The following GRM4 variants were observed in gnomAD, a reference collection of about 807,000 sequenced individuals.
The protein encoded by GRM4 is metabotropic glutamate receptor 4.
GRM4 carries 28 observed loss-of-function variants against 81.7 expected under a neutral mutation model. The observed-to-expected ratio is 0.34, with a 90% CI of 0.25 to 0.47. The LOEUF (loss-of-function observed/expected upper bound fraction) is 0.47. GRM4 is among the 20% of genes least tolerant of loss of function. The probability of loss-of-function intolerance (pLI) is 1.00; values close to 1 mark genes in which losing one functional copy is unlikely to be tolerated. For missense variants in GRM4, 948 were observed against 1,290.0 expected, an observed-to-expected ratio of 0.73 and a Z score of 4.06; for synonymous variants, 488 against 528.8, an observed-to-expected ratio of 0.92 and a Z score of 1.06.
intron 3 of GRM4, among the ~76,000 whole-genome samples, chr6:34,081,707 G>C (rs1475528985): frequency 1.3e-5 from 2 of 152,186 alleles, no homozygotes; most frequent in Non-Finnish European, 2.9e-5. Context: ...GGCCCATGTA[G>C]GCCTGAGGTG....
At chr6:34,085,310 G>A (rs1366285529) in intron 3 of GRM4, among the ~76,000 whole-genome samples, 1 of 152,180 alleles carries the variant, frequency 6.6e-6, no homozygotes, top group Non-Finnish European at 1.5e-5. Context: ...AGCACCCAAG[G>A]CCAGCAGTGA....
At chr6:34,137,559 G>T (rs1449008829) in intron 1 of GRM4, among the ~76,000 whole-genome samples, 1 of 150,932 alleles carries the variant, frequency 6.6e-6, no homozygotes, top group Non-Finnish European at 1.5e-5. Flanking sequence ...CCAGGAACCT[G>T]CCTTGTGGCC....
Position 34,133,718 on chromosome 6 carries a change from C to T in GRM4, c.-222G>A, listed in dbSNP as rs1010248360. ...AGGCCCACAGACAGCAGGCAGTGGC[C>T]GGGGTTGCAGGAAGGCTCTGATCCT... On this transcript the variant is annotated 5_prime_UTR_variant, in exon 2 of 11. Transcript: ENST00000538487. This position sits in a 1 kb window ranked among gnomAD's most constrained non-coding sequence, Gnocchi z 6.5. 4 of 1,299,986 alleles carry T rather than the reference C, an allele frequency of 3.1e-6. No individual in the cohort carries two copies. The highest frequency in any genetic ancestry group is 3.9e-6 in the Non-Finnish European group (4 of 1,028,910). The allele number at this position is 1,299,986 out of a possible 1,614,324, so 80.5% of individuals were successfully genotyped here.
chr6:34,142,180 G>GC (rs943662929), intron 1 of GRM4, among the ~76,000 whole-genome samples: 63 of 152,306 alleles, frequency 4.1e-4, no homozygotes, highest in African/African-American at 1.4e-3. Flanking sequence ...AGCCCCTTAG[G>GC]CCCGCCAAGA....
At chr6:34,066,034 G>A (rs12215053) in intron 3 of GRM4, among the ~76,000 whole-genome samples, 49,868 of 151,794 alleles carry the variant, frequency 0.33, 9,172 homozygotes, top group Non-Finnish European at 0.42. Context: ...CATCAAAACC[G>A]ACTTATGCTT....
chr6:34,071,102 C>T (rs146920471), intron 3 of GRM4, among the ~76,000 whole-genome samples: 1 of 152,052 alleles, frequency 6.6e-6, no homozygotes, highest in Non-Finnish European at 1.5e-5. Context: ...TCCACATACA[C>T]ACCCACAAAC....
rs564232055 is a variant in GRM4 at position 34,153,387 on chromosome 6, C to G, written c.312+1692G>C. Among the ~76,000 whole-genome samples, 3 of 152,362 alleles carry G rather than the reference C, an allele frequency of 2.0e-5. No homozygotes were observed. In the South Asian group the frequency reaches 6.2e-4, roughly 32 times the overall value. ...CTCCAAGCCTCCATCCCCCACACTC[C>G]GGGCATCTCCATCCTCAGGACTGCT... On this transcript the variant is annotated intron_variant, in intron 1 of 8. Coordinates refer to the GRM4 transcript ENST00000374177.
chr6:34,028,010 G>C, intron 10 of GRM4, 110 bp downstream of exon 10: 1 of 1,252,106 alleles, frequency 8.0e-7, no homozygotes, highest in Non-Finnish European at 1.1e-6. Context: ...GCCTCCCCAG[G>C]ATGGGGCATC....
chr6:34,145,607 C>G (rs1323868505), intron 1 of GRM4, among the ~76,000 whole-genome samples: 1 of 152,122 alleles, frequency 6.6e-6, no homozygotes, highest in Admixed American at 6.5e-5. Context: ...AGAGAGGGAG[C>G]GAGAGACGAG....
chr6:34,050,660 C>T (rs1408723331), intron 6 of GRM4, among the ~76,000 whole-genome samples: 2 of 152,238 alleles, frequency 1.3e-5, no homozygotes, highest in Non-Finnish European at 2.9e-5. Context: ...CTAGCACACA[C>T]CTTCTCACTG....
In GRM4 at chr6:34,111,017, CAAGG is replaced by C; in HGVS notation, c.520-18922_520-18919del. 1 of 317,378 alleles carries C rather than the reference CAAGG, an allele frequency of 3.2e-6. No individual in the cohort carries two copies. The highest frequency in any genetic ancestry group is 5.5e-6 in the Non-Finnish European group (1 of 183,290). 19.7% of individuals were successfully genotyped at this position (317,378 alleles called of 1,614,324 possible). ...CTCCCCATGGGCACCCTCAGGCTGCCAAGGCTTGGGGGCAGCTCCAGACAATCCG... is the reference window on the plus strand; with the variant it reads ...CTCCCCATGGGCACCCTCAGGCTGCCCTTGGGGGCAGCTCCAGACAATCCG... On this transcript the variant is annotated intron_variant, in intron 2 of 10. Transcript: ENST00000538487. This position sits in a 1 kb window ranked among gnomAD's most constrained non-coding sequence, Gnocchi z 5.1.
At chr6:34,122,536 C>T (rs2127504717) in intron 2 of GRM4, among the ~76,000 whole-genome samples, 1 of 151,248 alleles carries the variant, frequency 6.6e-6, no homozygotes, top group African/African-American at 2.4e-5. Context: ...CTTTCATTTC[C>T]AACATGTCTG....
chr6:34,036,474 T>C lies in GRM4; in HGVS notation c.1636A>G (p.Thr546Ala). 2.5e-6 allele frequency: 4 copies of C among 1,613,494 alleles called. No individual in the cohort carries two copies. Among genetic ancestry groups the C allele is most frequent in the Non-Finnish European group, 3.4e-6 (4 of 1,179,838 alleles). Residue 546 changes from threonine (T) to alanine (A), a missense_variant, in exon 9 of 11, where the codon ACA becomes GCA. By Grantham distance (58) the Thr-to-Ala change is moderately conservative. Coordinates refer to ENST00000538487, the MANE Select transcript of GRM4 (RefSeq NM_000841.4). The surrounding 1 kb of genome is among the most constrained non-coding windows in gnomAD (Gnocchi z 9.0). ...MPCCWHCEPC[T>A]GYQYQVDRYT... ...CGGTCCACCTGGTACTGGTACCCTGTGCAAGGCTCGCAGTGCCAGCAGCAA... is the reference window on the plus strand; with the variant it reads ...CGGTCCACCTGGTACTGGTACCCTGCGCAAGGCTCGCAGTGCCAGCAGCAA...
intron 2 of GRM4, among the ~76,000 whole-genome samples, chr6:34,131,625 C>A (rs1324766798): frequency 6.6e-6 from 1 of 152,172 alleles, no homozygotes; most frequent in Non-Finnish European, 1.5e-5. Flanking sequence ...TCACCCCCAC[C>A]CCAACACTGG....
rs1768101901 is a variant in GRM4 at position 34,089,736 on chromosome 6, T to A, written c.736+2147A>T. Among the ~76,000 whole-genome samples, 1 of 152,060 alleles carries A rather than the reference T, an allele frequency of 6.6e-6. No individual in the cohort carries two copies. Among genetic ancestry groups the A allele is most frequent in the African/African-American group, 2.4e-5 (1 of 41,366 alleles). ...TTATTTTTTCTAACCGCCCAATACT[T>A]GATTAGATGTTGATAAAAAAAAAAT... On this transcript the variant is annotated intron_variant, in intron 3 of 10. Transcript: ENST00000538487. This position sits in a 1 kb window ranked among gnomAD's most constrained non-coding sequence, Gnocchi z 4.3.
At position 34,035,068 on chromosome 6, in the gene GRM4, G is replaced by C. The variant is rs1191285320; in HGVS notation, c.2442+600C>G. Among the ~76,000 whole-genome samples the C allele has an allele frequency of 6.6e-6, 1 of 152,192 alleles. No homozygotes were observed. Reference sequence around the variant, plus strand: ...AGCTTGGGGCTGGGGAGAGAAGGGGGGTCCCATGGGGATCTTGTGAGGGGT... The same window carrying C: ...AGCTTGGGGCTGGGGAGAGAAGGGGCGTCCCATGGGGATCTTGTGAGGGGT... On this transcript the variant is annotated intron_variant, in intron 9 of 10. Coordinates refer to ENST00000538487, the MANE Select transcript of GRM4 (RefSeq NM_000841.4). The surrounding 1 kb of genome is among the most constrained non-coding windows in gnomAD (Gnocchi z 6.6).
chr6:34,155,600 T>A, exon 1 of GRM4: 1 of 462,146 alleles, frequency 2.2e-6, no homozygotes. Flanking sequence ...GCTCAAGCGA[T>A]CCTCCAGCAA....
intron 3 of GRM4, chr6:34,062,271 T>A: frequency 2.3e-6 from 1 of 439,938 alleles, no homozygotes; most frequent in Non-Finnish European, 4.1e-6. Flanking sequence ...TGAGCCTCAG[T>A]TTCCCCATAT....
chr6:34,098,697 A>G (rs1768669163), intron 2 of GRM4, among the ~76,000 whole-genome samples: 1 of 152,244 alleles, frequency 6.6e-6, no homozygotes, highest in Non-Finnish European at 1.5e-5. Context: ...TCACAGATAA[A>G]AGCCAGTGAT....
Sources: gnomAD v4.1 joint callset for allele counts (sites outside exome capture counted in the v4.1 genomes callset) on GRCh38, gnomAD v4.1.1 for gene constraint, Gnocchi (gnomAD v3.1) non-coding constraint, MANE v1.5 for transcripts, NCBI Gene and HGNC (gene_info 2026-07-23, HGNC 2026-07-21) for gene names.